Variants in NAA35 observed in about 807,000 individuals in gnomAD.
NAA35 encodes the protein N-alpha-acetyltransferase 35, NatC auxiliary subunit.
In NAA35, 18 loss-of-function variants were observed where a neutral mutation model predicts 101.7. The observed-to-expected ratio is 0.18, with a 90% CI of 0.12 to 0.26. The LOEUF is 0.26. Ranked by LOEUF, NAA35 falls within the 10% of genes least tolerant of loss-of-function variation. NAA35 has a pLI of 1.00. For synonymous variants in NAA35, 267 were observed against 273.1 expected (o/e 0.98, Z 0.22); for missense variants, 601 against 886.8 (o/e 0.68, Z 4.09).
At chr9:85,997,977 T>C (rs1274332475) in intron 12 of NAA35, among the ~76,000 whole-genome samples, 4 of 152,254 alleles carry the variant, frequency 2.6e-5, no homozygotes, top group Middle Eastern at 3.4e-3. Context: ...TGCAGTGGTG[T>C]GATCTTGGCT....
At chr9:85,969,855 C>T (rs1829928758) in intron 6 of NAA35, among the ~76,000 whole-genome samples, 1 of 144,432 alleles carries the variant, frequency 6.9e-6, no homozygotes, top group African/African-American at 2.6e-5. Context: ...ATGACTCTGT[C>T]TCTTAAAAAA....
rs185257197 is a variant in NAA35 at position 85,951,994 on chromosome 9, A to G, written c.125-4366A>G. On this transcript the variant is annotated intron_variant, in intron 2 of 22. Transcript: ENST00000361671. ...TCCAAATGTTAACACGTTTCATTATACAATATTAATAAGCACATTTGTTAT... is the reference window on the plus strand; with the variant it reads ...TCCAAATGTTAACACGTTTCATTATGCAATATTAATAAGCACATTTGTTAT... Among the ~76,000 whole-genome samples, 6 of 152,270 alleles carry G rather than the reference A, an allele frequency of 3.9e-5. No individual in the cohort carries two copies. The East Asian group carries it at 1.2e-3, about 29-fold the overall frequency.
Position 85,994,000 on chromosome 9 carries a change from G to A in NAA35, c.878-2399G>A, listed in dbSNP as rs544720180. 3.0e-3 allele frequency among the ~76,000 whole-genome samples: 451 copies of A among 150,892 alleles called. 1 individual carries two copies. The highest frequency in any genetic ancestry group is 7.6e-3 in the African/African-American group (311 of 41,110). ...ATTTTTTTTTTTTTTTGTAGTGACT[G>A]GGTTTTACCTGTTTAAAAATATATG... On this transcript the variant is annotated intron_variant, in intron 11 of 22. Coordinates refer to ENST00000361671, the MANE Select transcript of NAA35 (RefSeq NM_024635.4).
chr9:86,001,813 T>C (rs1270691952), intron 12 of NAA35, among the ~76,000 whole-genome samples: 1 of 152,170 alleles, frequency 6.6e-6, no homozygotes, highest in African/African-American at 2.4e-5. Context: ...ACGTCTTGCT[T>C]TTTTATCCAG....
At position 85,966,574 on chromosome 9, in the gene NAA35, C is replaced by T. The variant is rs1184008664; in HGVS notation, c.516+4394C>T. 8.9e-6 allele frequency: 10 copies of T among 1,128,178 alleles called. No individual in the cohort carries two copies. The Admixed American group carries it at 2.8e-4, about 31-fold the overall frequency. The allele number at this position is 1,128,178 out of a possible 1,614,324, so 69.9% of individuals were successfully genotyped here. ...TTTCTTTCTTTCTTTTTTTTTTAAC[C>T]TCACCCACCTCTTGATCTCAGATTT... On this transcript the variant is annotated intron_variant, in intron 6 of 22. Coordinates refer to ENST00000361671, the MANE Select transcript of NAA35 (RefSeq NM_024635.4).
At chr9:86,020,781 G>A (rs1832500087) in intron 21 of NAA35, 108 bp from the exon 22 acceptor site, 1 of 736,512 alleles carries the variant, frequency 1.4e-6, no homozygotes, top group East Asian at 2.9e-5. Context: ...AGTGAGCCGT[G>A]TTCTTACCAC....
At chr9:85,980,056 C>G (rs1273399276) in intron 11 of NAA35, among the ~76,000 whole-genome samples, 1 of 152,164 alleles carries the variant, frequency 6.6e-6, no homozygotes, top group Non-Finnish European at 1.5e-5. Context: ...TGGAGCGAGT[C>G]ACAGAACTCT....
intron 14 of NAA35, among the ~76,000 whole-genome samples, chr9:86,008,904 AG>A (rs1288759246): frequency 1.1e-4 from 16 of 152,182 alleles, no homozygotes; most frequent in Non-Finnish European, 1.9e-4. Flanking sequence ...TTAAAGACTC[AG>A]GTTTTTAGTC....
At chr9:86,018,563 G>A (rs971239647) in intron 20 of NAA35, 136 bp from the exon 21 acceptor site, 1 of 1,318,842 alleles carries the variant, frequency 7.6e-7, no homozygotes. Flanking sequence ...GAAAAAATAG[G>A]GAGATGTGCT....
chr9:85,957,387 A>G (rs1829322247), intron 3 of NAA35, among the ~76,000 whole-genome samples: 1 of 152,182 alleles, frequency 6.6e-6, no homozygotes, highest in South Asian at 2.1e-4. Context: ...CTCTGGTGGC[A>G]CAGGTGCAAG....
intron 12 of NAA35, among the ~76,000 whole-genome samples, chr9:85,998,602 T>C (rs1831280032): frequency 1.3e-5 from 2 of 152,336 alleles, no homozygotes; most frequent in South Asian, 2.1e-4. Flanking sequence ...CAAGGCTCAT[T>C]TTAAGAACAT....
intron 3 of NAA35, among the ~76,000 whole-genome samples, chr9:85,957,173 A>G (rs996292325): frequency 2.6e-5 from 4 of 152,176 alleles, no homozygotes; most frequent in African/African-American, 7.2e-5. Flanking sequence ...AACATAAACC[A>G]TTGATTAACA....
chr9:85,996,888 G>C (rs1373456786), intron 12 of NAA35, among the ~76,000 whole-genome samples: 1 of 152,068 alleles, frequency 6.6e-6, no homozygotes, highest in Non-Finnish European at 1.5e-5. Context: ...ATCTCACTCT[G>C]TTGTCTAGGC....
At chr9:85,979,100 A>G (rs1830331726) in intron 11 of NAA35, among the ~76,000 whole-genome samples, 1 of 152,218 alleles carries the variant, frequency 6.6e-6, no homozygotes. Context: ...GCTGTAAAGA[A>G]ATAGCACTTG....
At chr9:85,957,110 C>G (rs935160530) in intron 3 of NAA35, among the ~76,000 whole-genome samples, 6 of 152,150 alleles carry the variant, frequency 3.9e-5, no homozygotes, top group Non-Finnish European at 7.4e-5. Flanking sequence ...ACCTTTGACT[C>G]CCCCAAAAGC....
At chr9:85,961,353 A>G (rs185999618) in intron 5 of NAA35, among the ~76,000 whole-genome samples, 2 of 152,320 alleles carry the variant, frequency 1.3e-5, no homozygotes, top group Admixed American at 6.5e-5. Context: ...GGAGAAAAAT[A>G]CCACCTTTCT....
At chr9:85,985,313 C>T (rs748611634) in intron 11 of NAA35, among the ~76,000 whole-genome samples, 4 of 152,260 alleles carry the variant, frequency 2.6e-5, no homozygotes, top group African/African-American at 7.2e-5. Context: ...CACTAATGCT[C>T]ATAGCAGCAT....
Position 85,976,744 on chromosome 9 carries a change from A to G in NAA35, c.678+9A>G. 6.3e-7 allele frequency: 1 copy of G among 1,583,018 alleles called. No individual in the cohort carries two copies. The highest frequency in any genetic ancestry group is 1.2e-5 in the South Asian group (1 of 86,546). ...CAGAAGTTGAACTAGAAGTAATTGA[A>G]CTTATTTTCTGGTAGATAATATCAG... On this transcript the variant is annotated intron_variant, in intron 9 of 22. Coordinates refer to ENST00000361671, the MANE Select transcript of NAA35 (RefSeq NM_024635.4).
Position 86,017,484 on chromosome 9 carries a change from C to CT in NAA35, c.1706-11dup, listed in dbSNP as rs1832286072. ...AAAGATTATGGAAGATTACGTTTTT[C>CT]TTTCTAATTACAGTTCGCCCATTGA... On this transcript the variant is annotated splice_polypyrimidine_tract_variant and intron_variant, in intron 18 of 22. Transcript: ENST00000361671. The CT allele has an allele frequency of 1.9e-6, 3 of 1,612,156 alleles. No individual in the cohort carries two copies. In the East Asian group the frequency reaches 6.7e-5, roughly 36 times the overall value.
Sources: allele counts gnomAD v4.1 joint callset (sites outside exome capture counted in the v4.1 genomes callset), GRCh38; gene constraint gnomAD v4.1.1; transcripts MANE v1.5; gene names NCBI Gene and HGNC (gene_info 2026-07-23, HGNC 2026-07-21).